The following SLCO4C1 variants were observed in gnomAD, a reference collection of about 807,000 sequenced individuals.
SLCO4C1 encodes organic anion transporter M1.
In SLCO4C1, 58 loss-of-function variants were observed where a neutral mutation model predicts 72.1. That is an observed-to-expected ratio of 0.80 (90% CI 0.65 to 1.00). The LOEUF is 1.00. Ranked by LOEUF, SLCO4C1 falls within the 50% of genes least tolerant of loss-of-function variation. SLCO4C1 has a pLI of 0.00. For synonymous variants in SLCO4C1, 297 were observed against 312.5 expected (o/e 0.95, Z 0.52); for missense variants, 898 against 857.9 (o/e 1.05, Z -0.58).
intron 2 of SLCO4C1, among the ~76,000 whole-genome samples, chr5:102,272,027 G>A (rs1749162288): frequency 6.6e-6 from 1 of 152,118 alleles, no homozygotes; most frequent in Non-Finnish European, 1.5e-5. Flanking sequence ...AATATAATCA[G>A]ACAATTAGCT....
chr5:102,253,950 T>C lies in SLCO4C1; in HGVS notation c.1469+3165A>G, dbSNP rs565573756. Among the ~76,000 whole-genome samples the C allele has an allele frequency of 2.5e-4, 20 of 80,260 alleles. No individual in the cohort carries two copies. In the East Asian group the frequency reaches 7.3e-3, roughly 29 times the overall value. The allele number at this position is 80,260 out of a possible 152,430, so 52.7% of individuals were successfully genotyped here. A position where few individuals can be genotyped will look rare whatever the true frequency, so the allele number is the denominator to read the frequency against. On this transcript the variant is annotated intron_variant, in intron 8 of 12. Coordinates refer to ENST00000310954, the MANE Select transcript of SLCO4C1 (RefSeq NM_180991.5). ...ACCCCCTGAATCTAAAAGTTGAAAT[T>C]ATTTATATATATATATATCCCCTGA...
intron 4 of SLCO4C1, among the ~76,000 whole-genome samples, chr5:102,263,351 A>G (rs1748976162): frequency 6.6e-6 from 1 of 152,098 alleles, no homozygotes; most frequent in African/African-American, 2.4e-5. Context: ...AGTCCCAACT[A>G]AATCTATGGA....
At chr5:102,293,344 A>C (rs755622196) in intron 1 of SLCO4C1, among the ~76,000 whole-genome samples, 1 of 152,160 alleles carries the variant, frequency 6.6e-6, no homozygotes, top group Non-Finnish European at 1.5e-5. Context: ...CTTTGAAAAA[A>C]AAATTTGTAA....
intron 2 of SLCO4C1, among the ~76,000 whole-genome samples, chr5:102,281,087 T>C (rs1749347965): frequency 1.3e-5 from 2 of 152,124 alleles, no homozygotes; most frequent in African/African-American, 4.8e-5. Flanking sequence ...TAGTCAAGAA[T>C]GTGATATTGG....
intron 4 of SLCO4C1, 66 bp downstream of exon 4, chr5:102,263,618 G>C (rs892283079): frequency 1.5e-6 from 2 of 1,319,280 alleles, no homozygotes; most frequent in Non-Finnish European, 2.2e-6. Context: ...AAAATGTTCT[G>C]TCTATGATGC....
chr5:102,279,171 A>G (rs536363805), intron 2 of SLCO4C1, among the ~76,000 whole-genome samples: 2 of 152,070 alleles, frequency 1.3e-5, no homozygotes, highest in African/African-American at 4.8e-5. Flanking sequence ...CAGATCCAGC[A>G]GACAAAGAAA....
chr5:102,245,122 A>G (rs1748613316), intron 10 of SLCO4C1, among the ~76,000 whole-genome samples: 1 of 152,196 alleles, frequency 6.6e-6, no homozygotes, highest in African/African-American at 2.4e-5. Context: ...CATAGAAACA[A>G]CAAAAGAATA....
Position 102,249,746 on chromosome 5 carries a change from A to T in SLCO4C1, c.1512T>A (p.Asn504Lys). The T allele has an allele frequency of 6.2e-7, 1 of 1,613,974 alleles. No individual in the cohort carries two copies. Among genetic ancestry groups the T allele is most frequent in the Non-Finnish European group, 8.5e-7 (1 of 1,179,910 alleles). Residue 504 changes from asparagine (N) to lysine (K), a missense_variant, in exon 9 of 13, where the codon AAT becomes AAA. Transcript: ENST00000310954. ...LGNLIAPCNANCNCSRSYYYP... is the reference protein window; with the variant it reads ...LGNLIAPCNAKCNCSRSYYYP... ...AATAATATGATCGCGAACAGTTACA[A>T]TTGGCATTACAAGGGGCTATCAAGT...
chr5:102,284,564 C>G (rs1749414356), intron 2 of SLCO4C1, among the ~76,000 whole-genome samples: 1 of 152,144 alleles, frequency 6.6e-6, no homozygotes, highest in South Asian at 2.1e-4. Context: ...TATCATACCC[C>G]TAACTAAAGA....
intron 10 of SLCO4C1, 105 bp from the exon 11 acceptor site, chr5:102,240,887 ATGT>A (rs1748527656): frequency 1.1e-5 from 8 of 741,848 alleles, no homozygotes; most frequent in Non-Finnish European, 1.7e-5. Flanking sequence ...ATTAAAGTAA[ATGT>A]TGTAAACGCA....
rs561790136 is a variant in SLCO4C1 at position 102,291,423 on chromosome 5, A to G, written c.539T>C (p.Phe180Ser). 9 of 1,614,054 alleles carry G rather than the reference A, an allele frequency of 5.6e-6. No homozygotes were observed. In the African/African-American group the frequency reaches 6.7e-5, roughly 12 times the overall value. Residue 180 changes from phenylalanine to serine, a missense_variant, in exon 2 of 13, where the codon TTT (phenylalanine) becomes TCT (serine). Coordinates refer to ENST00000310954, the MANE Select transcript of SLCO4C1 (RefSeq NM_180991.5). ...TACAAGTGCTCCCAGTCCAATCATA[A>G]AGGCTGCAAATGCAAGCCATCTCGG... ...HKPRWLAFAA[F>S]MIGLGALVFS...
intron 2 of SLCO4C1, among the ~76,000 whole-genome samples, chr5:102,271,907 C>A (rs781126625): frequency 4.6e-5 from 7 of 152,024 alleles, no homozygotes; most frequent in Non-Finnish European, 7.4e-5. Flanking sequence ...GCGAAAAAGG[C>A]CTCAGAAGAA....
chr5:102,274,302 G>A (rs28602449), intron 2 of SLCO4C1, among the ~76,000 whole-genome samples: 29,625 of 152,010 alleles, frequency 0.19, 3,736 homozygotes, highest in Non-Finnish European at 0.25. Flanking sequence ...GAGGAACACT[G>A]CCAATAAAAT....
chr5:102,250,443 C>T, intron 8 of SLCO4C1, among the ~76,000 whole-genome samples: 1 of 152,108 alleles, frequency 6.6e-6, no homozygotes, highest in African/African-American at 2.4e-5. Flanking sequence ...TTCATTCAAA[C>T]AACATATATT....
chr5:102,279,231 A>T (rs564606595), intron 2 of SLCO4C1, among the ~76,000 whole-genome samples: 2 of 151,974 alleles, frequency 1.3e-5, no homozygotes, highest in Non-Finnish European at 2.9e-5. Context: ...CATAAATTTG[A>T]CAACTTAGAT....
rs1748414987 is a variant in SLCO4C1 at position 102,235,424 on chromosome 5, T to C, written c.*1434A>G. ...AAATTCTTAACCATGGTAGAAGTTATGTTTGTTGATGTTCACTCATCTATA... is the reference window on the plus strand; with the variant it reads ...AAATTCTTAACCATGGTAGAAGTTACGTTTGTTGATGTTCACTCATCTATA... On this transcript the variant is annotated 3_prime_UTR_variant, in exon 13 of 13. Transcript: ENST00000310954. 6.6e-6 allele frequency: 1 copy of C among 152,228 alleles called. No individual in the cohort carries two copies. The highest frequency in any genetic ancestry group is 1.5e-5 in the Non-Finnish European group (1 of 68,034). 9.4% of individuals were successfully genotyped at this position (152,228 alleles called of 1,614,324 possible).
At chr5:102,273,277 T>A (rs1389986553) in intron 2 of SLCO4C1, among the ~76,000 whole-genome samples, 1 of 152,020 alleles carries the variant, frequency 6.6e-6, no homozygotes, top group Non-Finnish European at 1.5e-5. Context: ...GAAAAATAAA[T>A]ATGTTTAAAG....
chr5:102,257,244 C>T lies in SLCO4C1; in HGVS notation c.1340G>A (p.Arg447Lys), dbSNP rs1462145448. 1 of 1,609,826 alleles carries T rather than the reference C, an allele frequency of 6.2e-7. No individual in the cohort carries two copies. The highest frequency in any genetic ancestry group is 8.5e-7 in the Non-Finnish European group (1 of 1,178,354). ...CTTCATTGTGTTTTTACATGTCATT[C>T]TGAATTTTGAAACAAGGAAGCCACC... ...ILGGFLVSKF[R>K]MTCKNTMKFA... The change falls in exon 8 of 13, where the codon AGA (arginine) becomes AAA (lysine). Residue 447 changes from arginine to lysine, a missense_variant. Coordinates refer to ENST00000310954, the MANE Select transcript of SLCO4C1 (RefSeq NM_180991.5).
intron 3 of SLCO4C1, 49 bp from the exon 4 acceptor site, chr5:102,263,829 T>TGTTAGATATGCAAAGTGAAG: frequency 7.3e-7 from 1 of 1,377,802 alleles, no homozygotes; most frequent in Non-Finnish European, 1.0e-6. Context: ...ACAACTTCAC[T>TGTTAGATATGCAAAGTGAAG]TTGCATATCT....
Sources: gnomAD v4.1 joint callset for allele counts (sites outside exome capture counted in the v4.1 genomes callset) on GRCh38, gnomAD v4.1.1 for gene constraint, MANE v1.5 for transcripts, NCBI Gene and HGNC (gene_info 2026-07-23, HGNC 2026-07-21) for gene names.